Variants in FARP1 observed in about 807,000 individuals in gnomAD.
FARP1 encodes FERM, ARH/RhoGEF and pleckstrin domain protein 1, also known as FERM, ARHGEF and pleckstrin domain-containing protein 1.
A neutral mutation model predicts 128.8 loss-of-function variants in FARP1; 52 were observed. The observed-to-expected ratio is 0.40, with a 90% CI of 0.32 to 0.51. FARP1 has a LOEUF of 0.51. Ranked by LOEUF, FARP1 falls within the 20% of genes least tolerant of loss-of-function variation. FARP1 has a pLI of 0.45. For synonymous variants in FARP1, 580 were observed against 551.8 expected (o/e 1.05, Z -0.72); for missense variants, 1,333 against 1,367.9 (o/e 0.97, Z 0.40).
At chr13:98,317,134 A>G (rs1886754972) in intron 2 of FARP1, among the ~76,000 whole-genome samples, 1 of 152,212 alleles carries the variant, frequency 6.6e-6, no homozygotes, top group Admixed American at 6.5e-5. Context: ...CGTTGCTGCC[A>G]AGAAGATGGG....
chr13:98,232,238 A>G (rs572659040), intron 2 of FARP1, among the ~76,000 whole-genome samples: 1 of 147,012 alleles, frequency 6.8e-6, no homozygotes, highest in Non-Finnish European at 1.5e-5. Flanking sequence ...CATGTAAACT[A>G]CAGTTTGGTA....
At chr13:98,236,425 C>T (rs1882423624) in intron 2 of FARP1, among the ~76,000 whole-genome samples, 1 of 152,054 alleles carries the variant, frequency 6.6e-6, no homozygotes, top group African/African-American at 2.4e-5. Flanking sequence ...TAGACGTTGC[C>T]AACATCTCCT....
chr13:98,263,078 G>A (rs1320769099), intron 2 of FARP1, among the ~76,000 whole-genome samples: 1 of 151,878 alleles, frequency 6.6e-6, no homozygotes. Context: ...GCGCAATCTC[G>A]GCTCACCGCA....
intron 1 of FARP1, among the ~76,000 whole-genome samples, chr13:98,201,270 C>T (rs1879925146): frequency 6.6e-6 from 1 of 152,276 alleles, no homozygotes; most frequent in Non-Finnish European, 1.5e-5. Flanking sequence ...TAACCAGACT[C>T]TTTCACTACA....
intron 3 of FARP1, among the ~76,000 whole-genome samples, chr13:98,358,941 C>G (rs1041070217): frequency 1.3e-5 from 2 of 152,172 alleles, no homozygotes; most frequent in Non-Finnish European, 2.9e-5. Flanking sequence ...ACGGCTCTTT[C>G]TTTTTCTTTT....
chr13:98,395,204 A>G (rs1594485008), intron 12 of FARP1, 23 bp from the exon 13 acceptor site: 2 of 1,575,916 alleles, frequency 1.3e-6, no homozygotes, highest in South Asian at 1.1e-5. Context: ...ATCTCTCCGC[A>G]CCTTTTTCCC....
At chr13:98,434,906 A>G (rs1892194460) in intron 18 of FARP1, 1 of 152,282 alleles carries the variant, frequency 6.6e-6, no homozygotes, top group Non-Finnish European at 1.5e-5. Flanking sequence ...AGGCAGGACA[A>G]TCACTTGAAC....
At chr13:98,386,208 T>TTTCC (rs1555342699) in intron 8 of FARP1, among the ~76,000 whole-genome samples, 71 of 146,122 alleles carry the variant, frequency 4.9e-4, no homozygotes, top group African/African-American at 1.5e-3. Flanking sequence ...TTTTTTTTTT[T>TTTCC]CAAACACAGT....
At chr13:98,359,462 T>A (rs1330178737) in intron 3 of FARP1, among the ~76,000 whole-genome samples, 1 of 152,130 alleles carries the variant, frequency 6.6e-6, no homozygotes, top group Non-Finnish European at 1.5e-5. Flanking sequence ...GGAAAAAGGA[T>A]GTTTTGAGAA....
At chr13:98,387,920 G>A (rs1472013338) in intron 8 of FARP1, among the ~76,000 whole-genome samples, 1 of 152,180 alleles carries the variant, frequency 6.6e-6, no homozygotes, top group East Asian at 1.9e-4. Flanking sequence ...CGTGTCATTT[G>A]CAGCAAATTA....
chr13:98,180,220 T>C (rs1324059225), intron 1 of FARP1, among the ~76,000 whole-genome samples: 2 of 152,084 alleles, frequency 1.3e-5, no homozygotes, highest in Non-Finnish European at 2.9e-5. Flanking sequence ...AAACTTCCAG[T>C]TGATCACAGT....
At chr13:98,336,620 T>C (rs1040562438) in intron 2 of FARP1, among the ~76,000 whole-genome samples, 1 of 152,186 alleles carries the variant, frequency 6.6e-6, no homozygotes, top group African/African-American at 2.4e-5. Context: ...TGAGTCATAA[T>C]TTGTAATAGC....
intron 3 of FARP1, among the ~76,000 whole-genome samples, chr13:98,356,127 C>G (rs1401977082): frequency 1.3e-5 from 2 of 152,070 alleles, no homozygotes; most frequent in Non-Finnish European, 2.9e-5. Context: ...TTGTTCAAAT[C>G]TATTATTTAT....
At position 98,154,222 on chromosome 13, in the gene FARP1, G is replaced by C. The variant is rs149060205; in HGVS notation, c.-24+10730G>C. ...GTCCAGTTTGGAGCAATTATGAATA[G>C]AGCTGCTATAAACTCTCACATACAG... On this transcript the variant is annotated intron_variant, in intron 1 of 26. Transcript: ENST00000319562. Among the ~76,000 whole-genome samples the C allele has an allele frequency of 4.1e-3, 625 of 152,278 alleles. 3 individuals are homozygous for C. Among genetic ancestry groups the C allele is most frequent in the Middle Eastern group, 6.8e-3 (2 of 294 alleles).
intron 2 of FARP1, among the ~76,000 whole-genome samples, chr13:98,307,659 C>T (rs1886226914): frequency 6.6e-6 from 1 of 152,194 alleles, no homozygotes; most frequent in African/African-American, 2.4e-5. Context: ...GTATTTCCTG[C>T]TAAATAAATA....
chr13:98,203,501 A>G (rs187007826), intron 1 of FARP1, among the ~76,000 whole-genome samples: 1 of 152,318 alleles, frequency 6.6e-6, no homozygotes, highest in Non-Finnish European at 1.5e-5. Flanking sequence ...TCATAGGTTT[A>G]TGGTGTCTTT....
chr13:98,411,892 T>C lies in FARP1; in HGVS notation c.1693-9T>C, dbSNP rs757370223. The C allele has an allele frequency of 3.1e-6, 5 of 1,613,420 alleles. No homozygotes were observed. Among genetic ancestry groups the C allele is most frequent in the Admixed American group, 3.3e-5 (2 of 59,842 alleles). ...TCCACCCGTAAGTGCATCGTCTTCTTCTTTCCAGTGGTTTCAGAGCACAGT... is the reference window on the plus strand; with the variant it reads ...TCCACCCGTAAGTGCATCGTCTTCTCCTTTCCAGTGGTTTCAGAGCACAGT... On this transcript the variant is annotated splice_polypyrimidine_tract_variant and intron_variant, in intron 15 of 26. Transcript: ENST00000319562.
chr13:98,434,570 C>T (rs1566317315), intron 18 of FARP1: 1 of 152,212 alleles, frequency 6.6e-6, no homozygotes, highest in Non-Finnish European at 1.5e-5. Context: ...AGTGCTCAGC[C>T]GCTGGGGACT....
chr13:98,267,927 C>T (rs563734497), intron 2 of FARP1, among the ~76,000 whole-genome samples: 33 of 139,050 alleles, frequency 2.4e-4, no homozygotes, highest in African/African-American at 8.3e-4. Flanking sequence ...AGGCCAGACA[C>T]GGATACTTAA....
Sources: gnomAD v4.1 joint callset for allele counts (sites outside exome capture counted in the v4.1 genomes callset) on GRCh38, gnomAD v4.1.1 for gene constraint, MANE v1.5 for transcripts, NCBI Gene and HGNC (gene_info 2026-07-23, HGNC 2026-07-21) for gene names.